DNAH11: variants seen among roughly 807,000 people sequenced by gnomAD.
DNAH11 encodes axonemal beta dynein heavy chain 11.
In DNAH11, 442 loss-of-function variants were observed where a neutral mutation model predicts 526.0. The observed-to-expected ratio is 0.84, with a 90% CI of 0.78 to 0.91. The LOEUF (loss-of-function observed/expected upper bound fraction) is 0.91. Among genes scored for constraint, DNAH11 ranks in the 40% least tolerant of loss-of-function variants. The pLI, the probability that DNAH11 is intolerant of heterozygous loss-of-function variation, is 0.00. For synonymous variants in DNAH11, 2,461 were observed against 1,935.9 expected, an observed-to-expected ratio of 1.27 and a Z score of -7.12; for missense variants, 6,989 against 5,448.7, an observed-to-expected ratio of 1.28 and a Z score of -8.90.
intron 36 of DNAH11, among the ~76,000 whole-genome samples, chr7:21,701,169 T>A (rs980938405): frequency 2.8e-4 from 42 of 152,068 alleles, no homozygotes; most frequent in African/African-American, 8.9e-4. Flanking sequence ...CTCAGCCTAC[T>A]CCATCAGTGG....
chr7:21,783,330 A>G (rs1487791213), intron 57 of DNAH11, among the ~76,000 whole-genome samples: 1 of 152,194 alleles, frequency 6.6e-6, no homozygotes, highest in Non-Finnish European at 1.5e-5. Flanking sequence ...ACAGCAAAAT[A>G]ATGGTTAATC....
At chr7:21,839,271 C>T (rs1782111380) in intron 65 of DNAH11, among the ~76,000 whole-genome samples, 1 of 151,950 alleles carries the variant, frequency 6.6e-6, no homozygotes, top group Non-Finnish European at 1.5e-5. Flanking sequence ...AAGAATAAAT[C>T]ACTATATTAA....
At chr7:21,891,837 T>C (rs1228105389) in intron 76 of DNAH11, among the ~76,000 whole-genome samples, 1 of 152,182 alleles carries the variant, frequency 6.6e-6, no homozygotes, top group African/African-American at 2.4e-5. Flanking sequence ...ATATGGCCTA[T>C]ACATGGTACT....
chr7:21,737,568 A>C (rs531025492), intron 46 of DNAH11, among the ~76,000 whole-genome samples: 2 of 152,312 alleles, frequency 1.3e-5, no homozygotes, highest in East Asian at 3.9e-4. Context: ...AGTCCCCCTG[A>C]GTAGTATAAG....
At chr7:21,765,656 A>ACACACACT (rs1188836358) in intron 55 of DNAH11, 67 bp downstream of exon 55, 1 of 1,230,088 alleles carries the variant, frequency 8.1e-7, no homozygotes, top group South Asian at 1.6e-5. Flanking sequence ...ACACACACAC[A>ACACACACT]CACTCTGAAA....
At chr7:21,577,980 A>T (rs1388926891) in intron 8 of DNAH11, among the ~76,000 whole-genome samples, 1 of 152,180 alleles carries the variant, frequency 6.6e-6, no homozygotes, top group African/African-American at 2.4e-5. Flanking sequence ...AAAGAGGTTT[A>T]ATTGACTCAC....
rs1041008909 is a variant in DNAH11 at position 21,864,608 on chromosome 7, A to T, written c.11447A>T (p.His3816Leu). 1.9e-6 allele frequency: 3 copies of T among 1,610,090 alleles called. No homozygotes were observed. The African/African-American group carries it at 4.0e-5, about 22-fold the overall frequency. The change falls in exon 70 of 82, where the codon CAT (histidine) becomes CTT (leucine). Residue 3816 changes from histidine (H) to leucine (L), a missense_variant. His to Leu is a moderately conservative substitution (Grantham distance 99). Coordinates refer to ENST00000409508, the MANE Select transcript of DNAH11 (RefSeq NM_001277115.2). ...FLLRFTVEHT[H>L]LSPVDFLTSQ... Reference sequence around the variant, plus strand: ...CTTCGATTCACAGTTGAACACACTCATCTGAGTCCCGTTGACTTCCTAACT... The same window carrying T: ...CTTCGATTCACAGTTGAACACACTCTTCTGAGTCCCGTTGACTTCCTAACT...
At chr7:21,650,306 A>G (rs1341337228) in intron 28 of DNAH11, among the ~76,000 whole-genome samples, 1 of 152,210 alleles carries the variant, frequency 6.6e-6, no homozygotes, top group East Asian at 1.9e-4. Flanking sequence ...TTATGTAAGT[A>G]ATTGCATGTT....
chr7:21,898,245 T>C (rs1191307994), intron 79 of DNAH11, among the ~76,000 whole-genome samples: 5 of 152,250 alleles, frequency 3.3e-5, no homozygotes, highest in Admixed American at 6.5e-5. Flanking sequence ...GTGGTGCCTA[T>C]GCTGTTTCTT....
At chr7:21,764,306 G>A (rs998105267) in intron 54 of DNAH11, among the ~76,000 whole-genome samples, 2 of 152,120 alleles carry the variant, frequency 1.3e-5, no homozygotes, top group Non-Finnish European at 2.9e-5. Flanking sequence ...GTGCACGTAT[G>A]CTGGAATTTT....
intron 36 of DNAH11, among the ~76,000 whole-genome samples, chr7:21,698,779 A>G (rs1461204078): frequency 1.3e-5 from 2 of 152,194 alleles, no homozygotes; most frequent in Non-Finnish European, 2.9e-5. Flanking sequence ...ATAAATAGGC[A>G]TGTTCAAGTG....
At chr7:21,850,949 A>T (rs1008859622) in intron 66 of DNAH11, among the ~76,000 whole-genome samples, 8 of 152,144 alleles carry the variant, frequency 5.3e-5, no homozygotes, top group Admixed American at 1.3e-4. Context: ...GAGGGGAAGC[A>T]TTCTTTTCTC....
rs776708559 is a variant in DNAH11, at chr7:21,867,737, C to A, written c.11691-122C>A. 18 of 801,936 alleles carry A rather than the reference C, an allele frequency of 2.2e-5. No homozygotes were observed. In the South Asian group the frequency reaches 3.2e-4, roughly 14 times the overall value. 49.7% of individuals were successfully genotyped at this position (801,936 alleles called of 1,614,324 possible). A position where few individuals can be genotyped will look rare whatever the true frequency, so the allele number is the denominator to read the frequency against. ...GATTCATATTGTTATTCTAACAAGA[C>A]ATCCCATGTAATAAACCTGGTTACT... is the stretch of plus-strand genomic sequence containing the variant. On this transcript the variant is annotated intron_variant, in intron 71 of 81. Transcript: ENST00000409508.
intron 74 of DNAH11, among the ~76,000 whole-genome samples, chr7:21,873,784 CTTTTTTTT>C (rs57333575): frequency 1.4e-5 from 1 of 70,700 alleles, no homozygotes; most frequent in African/African-American, 6.1e-5. Flanking sequence ...GAGGAGGTTG[CTTTTTTTT>C]TTTTTTTTTT....
chr7:21,725,812 T>C lies in DNAH11; in HGVS notation c.7268T>C (p.Ile2423Thr). Residue 2423 changes from isoleucine (I) to threonine (T), a missense_variant and splice_region_variant, in exon 45 of 82, where the codon ATT becomes ACT. Ile to Thr is a moderately conservative substitution (Grantham distance 89). Transcript: ENST00000409508. ...AAGGATTTCTTTTGTTCTCCTTAGA[T>C]TTCTGATTATCAAGCTGACTTCAGT... is the stretch of plus-strand genomic sequence containing the variant. ...AFGGTLLQDQ[I>T]SDYQADFSRW... is the part of the protein sequence containing the mutation. The C allele has an allele frequency of 6.2e-7, 1 of 1,609,784 alleles. No individual in the cohort carries two copies. Among genetic ancestry groups the C allele is most frequent in the Non-Finnish European group, 8.5e-7 (1 of 1,177,886 alleles).
intron 69 of DNAH11, among the ~76,000 whole-genome samples, chr7:21,864,074 T>C (rs1186581446): frequency 2.0e-5 from 3 of 152,232 alleles, no homozygotes; most frequent in Non-Finnish European, 2.9e-5. Flanking sequence ...TTCTTCTCAA[T>C]ATAATCTTAC....
At position 21,836,830 on chromosome 7, in the gene DNAH11, G is replaced by A. The variant is rs113747609; in HGVS notation, c.10692-5714G>A. ...CAACCTGCAGAATGGGAGAAAATAT[G>A]TTCAAAATATGCCTCTGACAGTCAA... On this transcript the variant is annotated intron_variant, in intron 65 of 81. Transcript: ENST00000409508. 6.7e-3 allele frequency among the ~76,000 whole-genome samples: 1,023 copies of A among 152,006 alleles called. 13 individuals are homozygous for A. The highest frequency in any genetic ancestry group is 0.023 in the African/African-American group (972 of 41,498).
Position 21,734,026 on chromosome 7 carries a change from C to T in DNAH11, c.7441-1614C>T, listed in dbSNP as rs76816208. On this transcript the variant is annotated intron_variant, in intron 45 of 81. Transcript: ENST00000409508. ...CTAACAAGAGTTCGTCACACTAAAACAAGCAAAGCAGGATTCACACCCAGG... is the reference window on the plus strand; with the variant it reads ...CTAACAAGAGTTCGTCACACTAAAATAAGCAAAGCAGGATTCACACCCAGG... Among the ~76,000 whole-genome samples, 20 of 152,252 alleles carry T rather than the reference C, an allele frequency of 1.3e-4. 1 individual carries two copies. In the East Asian group the frequency reaches 3.9e-3, roughly 29 times the overall value.
At chr7:21,627,647 T>C (rs917240574) in intron 25 of DNAH11, among the ~76,000 whole-genome samples, 2 of 152,220 alleles carry the variant, frequency 1.3e-5, no homozygotes, top group South Asian at 2.1e-4. Flanking sequence ...GTGTCTGTTA[T>C]TATGCCAGTA....
Sources: gnomAD v4.1 joint callset for allele counts (sites outside exome capture counted in the v4.1 genomes callset) on GRCh38, gnomAD v4.1.1 for gene constraint, MANE v1.5 for transcripts, NCBI Gene and HGNC (gene_info 2026-07-23, HGNC 2026-07-21) for gene names.